Variants in BCAS4 observed in about 807,000 individuals in gnomAD.
BCAS4 encodes the protein breast carcinoma-amplified sequence 4.
In BCAS4, 9 loss-of-function variants were observed where a neutral mutation model predicts 15.7. The ratio of observed to expected loss-of-function variants is 0.57; its 90% confidence interval spans 0.34 to 1.00. The LOEUF (loss-of-function observed/expected upper bound fraction) is 1.00. Ranked by LOEUF, BCAS4 falls within the 50% of genes least tolerant of loss-of-function variation. BCAS4 has a pLI of 0.02. For synonymous variants in BCAS4, 101 were observed against 99.5 expected, an observed-to-expected ratio of 1.02 and a Z score of -0.09; for missense variants, 225 against 239.1, an observed-to-expected ratio of 0.94 and a Z score of 0.39.
At chr20:50,844,219 G>A (rs946296165) in intron 4 of BCAS4, among the ~76,000 whole-genome samples, 1 of 151,940 alleles carries the variant, frequency 6.6e-6, no homozygotes, top group Non-Finnish European at 1.5e-5. Context: ...GGGGGCCAAG[G>A]TGGGAGGATT....
At chr20:50,843,161 T>C (rs1357189155) in intron 4 of BCAS4, among the ~76,000 whole-genome samples, 1 of 152,140 alleles carries the variant, frequency 6.6e-6, no homozygotes. Context: ...CTCGCTTTGC[T>C]GCCCAGGCTG....
chr20:50,858,456 G>T (rs1280306471), intron 4 of BCAS4, among the ~76,000 whole-genome samples: 6 of 152,076 alleles, frequency 3.9e-5, no homozygotes, highest in African/African-American at 1.4e-4. Context: ...AGAAAAATTA[G>T]CCGGGCATGG....
At chr20:50,813,674 C>CTTTTTTTT (rs965295871) in intron 1 of BCAS4, among the ~76,000 whole-genome samples, 13 of 82,386 alleles carry the variant, frequency 1.6e-4, no homozygotes, top group African/African-American at 6.3e-4. Context: ...GGTGGAGGAC[C>CTTTTTTTT]TTTTTTTTTT....
At chr20:50,852,398 C>CT (rs1978484420) in intron 4 of BCAS4, among the ~76,000 whole-genome samples, 1 of 151,384 alleles carries the variant, frequency 6.6e-6, no homozygotes, top group Non-Finnish European at 1.5e-5. Context: ...TTTCTTTTTT[C>CT]TTTTTTATAG....
downstream of BCAS4, chr20:50,881,749 C>G (rs188609266): frequency 1.3e-5 from 2 of 152,160 alleles, no homozygotes; most frequent in East Asian, 3.9e-4. Context: ...CAACCCCTGC[C>G]TCCTGGGCTC....
At chr20:50,837,433 A>G (rs140445686) in intron 3 of BCAS4, among the ~76,000 whole-genome samples, 4 of 152,268 alleles carry the variant, frequency 2.6e-5, no homozygotes, top group African/African-American at 9.6e-5. Context: ...AGGGGGGAAA[A>G]TGTGTTCAAA....
chr20:50,855,239 T>C (rs1490162126), intron 4 of BCAS4, among the ~76,000 whole-genome samples: 1 of 152,164 alleles, frequency 6.6e-6, no homozygotes, highest in Non-Finnish European at 1.5e-5. Flanking sequence ...AACAATTCTG[T>C]TTCCTGCTGT....
At chr20:50,796,472 TATATATATATATA>T (rs1569013142) in intron 1 of BCAS4, among the ~76,000 whole-genome samples, 21 of 12,910 alleles carry the variant, frequency 1.6e-3, no homozygotes, top group Admixed American at 2.8e-3. Flanking sequence ...TATATATATA[TATATATATATATA>T]TATTTTTTTT....
intron 3 of BCAS4, among the ~76,000 whole-genome samples, chr20:50,834,573 G>A (rs2088384320): frequency 6.6e-6 from 1 of 152,124 alleles, no homozygotes. Context: ...GGGATTACAG[G>A]CATGAGCCAC....
At chr20:50,795,036 C>G, upstream of BCAS4, 8 of 1,437,156 alleles carry the variant, frequency 5.6e-6, no homozygotes, top group Non-Finnish European at 7.3e-6. Flanking sequence ...CGGGCGCAAC[C>G]ACGGGCTCCC....
intron 3 of BCAS4, 86 bp downstream of exon 3, chr20:50,830,466 CA>C: frequency 9.1e-7 from 1 of 1,102,984 alleles, no homozygotes; most frequent in Non-Finnish European, 1.3e-6. Context: ...TGGCCTTGAG[CA>C]TGTCAGGCAT....
At chr20:50,863,612 C>T (rs1600899782) in intron 4 of BCAS4, among the ~76,000 whole-genome samples, 1 of 152,108 alleles carries the variant, frequency 6.6e-6, no homozygotes, top group African/African-American at 2.4e-5. Flanking sequence ...TCCAGGCCGG[C>T]CAACAAAACC....
intron 4 of BCAS4, among the ~76,000 whole-genome samples, chr20:50,872,640 G>A (rs1979714428): frequency 6.6e-6 from 1 of 151,774 alleles, no homozygotes; most frequent in Non-Finnish European, 1.5e-5. Context: ...TGGACAGACA[G>A]GCGGAAACAG....
intron 3 of BCAS4, among the ~76,000 whole-genome samples, chr20:50,841,434 CCCCT>C (rs1371722344): frequency 2.6e-5 from 4 of 151,490 alleles, no homozygotes; most frequent in African/African-American, 9.7e-5. Flanking sequence ...GAGACCCCCG[CCCCT>C]GCCCCTGCCA....
chr20:50,882,205 C>T, the BCAS4 span: 163 of 145,476 alleles, frequency 1.1e-3, 3 homozygotes, highest in East Asian at 0.027. Flanking sequence ...GGGGGGGTTG[C>T]GGGGGGAAAT....
At chr20:50,805,520 G>T (rs563862746) in intron 1 of BCAS4, among the ~76,000 whole-genome samples, 1 of 152,260 alleles carries the variant, frequency 6.6e-6, no homozygotes, top group South Asian at 2.1e-4. Flanking sequence ...ACAAGCTGGG[G>T]CCCAGTAGCA....
At chr20:50,824,975 A>G (rs1400104184) in intron 2 of BCAS4, among the ~76,000 whole-genome samples, 4 of 151,688 alleles carry the variant, frequency 2.6e-5, no homozygotes, top group African/African-American at 9.7e-5. Flanking sequence ...ACATCTGTAG[A>G]CCTCTGGTGT....
chr20:50,813,674 CTTTTTTT>C (rs965295871), intron 1 of BCAS4, among the ~76,000 whole-genome samples: 1 of 82,390 alleles, frequency 1.2e-5, no homozygotes, highest in Non-Finnish European at 2.1e-5. Flanking sequence ...GGTGGAGGAC[CTTTTTTT>C]TTTTTTTTTT....
At chr20:50,804,486 T>C (rs1481331161) in intron 1 of BCAS4, among the ~76,000 whole-genome samples, 1 of 152,262 alleles carries the variant, frequency 6.6e-6, no homozygotes, top group Admixed American at 6.5e-5. Context: ...ATTTAAGTTA[T>C]GTGGAATTTT....
Sources: gnomAD v4.1 joint callset for allele counts (sites outside exome capture counted in the v4.1 genomes callset) on GRCh38, gnomAD v4.1.1 for gene constraint, MANE v1.5 for transcripts, NCBI Gene and HGNC (gene_info 2026-07-23, HGNC 2026-07-21) for gene names.